The following KRABD3 variants were observed in gnomAD, a reference collection of about 807,000 sequenced individuals.
KRABD3 encodes the protein KRAB domain containing 3, also known as KRAB domain-containing protein 3.
the KRABD3 span, chr7:149,720,841 A>T: frequency 6.3e-7 from 1 of 1,588,154 alleles, no homozygotes; most frequent in East Asian, 2.3e-5. Flanking sequence ...GCAGGGGGAC[A>T]GCCCCGGCAC....
the KRABD3 span, chr7:149,722,818 A>C: frequency 1.9e-6 from 3 of 1,611,046 alleles, no homozygotes; most frequent in Non-Finnish European, 2.5e-6. Flanking sequence ...GCAAGGCCTC[A>C]TCAACTGTCT....
At chr7:149,724,683 T>A in the KRABD3 span, 29 of 1,547,664 alleles carry the variant, frequency 1.9e-5, no homozygotes, top group Middle Eastern at 2.5e-3. Flanking sequence ...CTCCTCCCCA[T>A]CCTGATCTTG....
At chr7:149,720,734 C>T in the KRABD3 span, 1 of 1,212,340 alleles carries the variant, frequency 8.2e-7, no homozygotes, top group African/African-American at 1.5e-5. Context: ...CCTCATGTGG[C>T]TGGGAGGATT....
the KRABD3 span, among the ~76,000 whole-genome samples, chr7:149,718,074 A>G: frequency 6.6e-6 from 1 of 152,090 alleles, no homozygotes; most frequent in Non-Finnish European, 1.5e-5. Flanking sequence ...CTGGGATTAC[A>G]GGCGTGAACC....
the KRABD3 span, among the ~76,000 whole-genome samples, chr7:149,724,332 G>A: frequency 6.6e-6 from 1 of 152,152 alleles, no homozygotes; most frequent in South Asian, 2.1e-4. Flanking sequence ...CAGCTTGTTA[G>A]CTTCTCAGAA....
chr7:149,727,034 T>C, the KRABD3 span, among the ~76,000 whole-genome samples: 1 of 152,212 alleles, frequency 6.6e-6, no homozygotes, highest in African/African-American at 2.4e-5. Context: ...GTCAGAAACA[T>C]TTCAGCGTGT....
chr7:149,729,443 C>T, the KRABD3 span: 2 of 1,296,710 alleles, frequency 1.5e-6, no homozygotes, highest in East Asian at 3.1e-5. Flanking sequence ...ATAGACTTCC[C>T]TCTCTGTCCC....
At chr7:149,721,108 C>A in the KRABD3 span, 2 of 1,346,878 alleles carry the variant, frequency 1.5e-6, no homozygotes, top group Non-Finnish European at 1.0e-6. Context: ...GGCAGAGTCA[C>A]CTGCTGTTCC....
the KRABD3 span, among the ~76,000 whole-genome samples, chr7:149,723,272 T>C: frequency 2.0e-5 from 3 of 152,302 alleles, 1 homozygote; most frequent in South Asian, 6.2e-4. Context: ...GGGGTGGGCT[T>C]GGGCTCTGGA....
the KRABD3 span, chr7:149,721,763 C>A: frequency 4.1e-5 from 28 of 690,538 alleles, no homozygotes; most frequent in South Asian, 3.6e-4. Flanking sequence ...AGCCTGTCAT[C>A]CCGCCCCGAT....
chr7:149,730,418 G>A, the KRABD3 span: 2 of 1,581,362 alleles, frequency 1.3e-6, no homozygotes, highest in African/African-American at 2.7e-5. Context: ...AGCTTTGTTT[G>A]TGACGTTAGA....
At chr7:149,728,791 C>A in the KRABD3 span, 1 of 1,188,506 alleles carries the variant, frequency 8.4e-7, no homozygotes, top group Non-Finnish European at 1.2e-6. Flanking sequence ...TGGAAACAGA[C>A]CTGGGCAGAG....
chr7:149,720,062 G>A, the KRABD3 span: 3 of 1,553,504 alleles, frequency 1.9e-6, no homozygotes, highest in Non-Finnish European at 1.7e-6. Context: ...GAGCCTGGAA[G>A]AGCTGTTGGG....
chr7:149,730,540 GC>G, the KRABD3 span: 12 of 1,612,084 alleles, frequency 7.4e-6, no homozygotes, highest in Non-Finnish European at 9.3e-6. Context: ...GGAGAACAGA[GC>G]CCAGGTACTG....
the KRABD3 span, chr7:149,721,992 A>G: frequency 2.7e-6 from 1 of 369,662 alleles, no homozygotes; most frequent in South Asian, 2.2e-5. Flanking sequence ...GTTTTTATAA[A>G]AAAGTACTTC....
At chr7:149,729,733 G>A in the KRABD3 span, 16 of 985,368 alleles carry the variant, frequency 1.6e-5, no homozygotes, top group Middle Eastern at 5.2e-4. Context: ...GAATAAATGC[G>A]GTTTTGCTGA....
chr7:149,722,644 G>A, the KRABD3 span: 32 of 1,495,286 alleles, frequency 2.1e-5, no homozygotes, highest in Non-Finnish European at 2.8e-5. Context: ...CCTGGGCCTG[G>A]TGGCAGCTCC....
chr7:149,729,846 A>T, the KRABD3 span: 3 of 985,442 alleles, frequency 3.0e-6, no homozygotes, highest in Non-Finnish European at 3.6e-6. Context: ...TGGTGGGAGA[A>T]GCCGCCTGGC....
chr7:149,725,921 G>C, the KRABD3 span: 1 of 1,597,472 alleles, frequency 6.3e-7, no homozygotes, highest in East Asian at 2.3e-5. Context: ...CTCTGGGTCT[G>C]CAGAGCTGTG....
Sources: allele counts gnomAD v4.1 joint callset (sites outside exome capture counted in the v4.1 genomes callset), GRCh38; gene constraint gnomAD v4.1.1; transcripts MANE v1.5; gene names NCBI Gene and HGNC (gene_info 2026-07-23, HGNC 2026-07-21).